Variants in SLC7A5 observed in about 807,000 individuals in gnomAD.
The protein encoded by SLC7A5 is large neutral amino acids transporter small subunit 1.
Under a neutral mutation model 50.2 loss-of-function variants are expected in SLC7A5, and 23 were observed. The observed-to-expected ratio is 0.46, with a 90% CI of 0.33 to 0.65. The LOEUF (loss-of-function observed/expected upper bound fraction) is 0.65, where lower values mean the gene tolerates loss of function less well. SLC7A5 is among the 30% of genes least tolerant of loss of function. The probability of loss-of-function intolerance (pLI) is 0.02; values close to 1 mark genes in which losing one functional copy is unlikely to be tolerated. For missense variants in SLC7A5, 578 were observed against 684.4 expected (o/e 0.84, Z 1.73); for synonymous variants, 393 against 330.6 (o/e 1.19, Z -2.05).
chr16:87,837,982 C>T (rs1230223823), intron 6 of SLC7A5, 41 bp from the exon 7 acceptor site: 1 of 1,446,594 alleles, frequency 6.9e-7, no homozygotes, highest in African/African-American at 1.4e-5. Flanking sequence ...CACCGCCCCA[C>T]AACTCAGCAC....
chr16:87,866,686 C>T (rs186143868), intron 1 of SLC7A5, among the ~76,000 whole-genome samples: 1,710 of 152,160 alleles, frequency 0.011, 38 homozygotes, highest in African/African-American at 0.039. Flanking sequence ...AGGCTGGTCT[C>T]GAACTCCTGA....
chr16:87,867,944 T>C (rs1459831067), intron 1 of SLC7A5, among the ~76,000 whole-genome samples: 1 of 150,896 alleles, frequency 6.6e-6, no homozygotes, highest in Non-Finnish European at 1.5e-5. Context: ...TGAAACGCCG[T>C]CTCTACTAAA....
chr16:87,856,351 T>G (rs762302224), intron 1 of SLC7A5, among the ~76,000 whole-genome samples: 5 of 152,230 alleles, frequency 3.3e-5, no homozygotes, highest in Non-Finnish European at 5.9e-5. Flanking sequence ...CAGAACTGCC[T>G]GCTGGAGACA....
rs145630187 is a variant in SLC7A5 at position 87,851,839 on chromosome 16, C to T, written c.549G>A (p.Thr183=). 1.9e-5 allele frequency: 30 copies of T among 1,612,908 alleles called. No homozygotes were observed. The highest frequency in any genetic ancestry group is 2.2e-5 in the East Asian group (1 of 44,896). ...CCTTCACGCTGTAGCAGTTCACGGC[C>T]GTGAGCAGCACTGTGGAGACAGAGG... The part of the protein sequence containing the change: ...LVACLCVLLL[T]AVNCYSVKAA... The change falls in exon 2 of 10, where the codon ACG becomes ACA. Residue 183 remains threonine, a synonymous_variant. Transcript: ENST00000261622.
At position 87,869,429 on chromosome 16, in the gene SLC7A5, C is replaced by T. The variant is rs752808921; in HGVS notation, c.-7G>A. On this transcript the variant is annotated 5_prime_UTR_variant, in exon 1 of 10. Transcript: ENST00000261622. ...TCGGGCCCGCACCCGCCATGCTCTGCGCACCGGCCGGGCCTGGGACACCCG... is the reference window on the plus strand; with the variant it reads ...TCGGGCCCGCACCCGCCATGCTCTGTGCACCGGCCGGGCCTGGGACACCCG... 8.9e-6 allele frequency: 13 copies of T among 1,452,540 alleles called. No homozygotes were observed. Among genetic ancestry groups the T allele is most frequent in the Non-Finnish European group, 1.1e-5 (12 of 1,113,842 alleles). The allele number at this position is 1,452,540 out of a possible 1,614,324, so 90.0% of individuals were successfully genotyped here. A position where few individuals can be genotyped will look rare whatever the true frequency, so the allele number is the denominator to read the frequency against.
intron 2 of SLC7A5, among the ~76,000 whole-genome samples, chr16:87,846,420 A>C (rs920448571): frequency 6.6e-5 from 10 of 152,246 alleles, no homozygotes; most frequent in Non-Finnish European, 1.3e-4. Context: ...ATTTCCTGCC[A>C]GGAGAGCGGG....
chr16:87,837,500 GA>G, intron 7 of SLC7A5: 1 of 321,444 alleles, frequency 3.1e-6, no homozygotes, highest in Non-Finnish European at 5.9e-6. Flanking sequence ...AGGAGAAGCG[GA>G]AGGAAACTGT....
chr16:87,866,476 T>C (rs1236308943), intron 1 of SLC7A5, among the ~76,000 whole-genome samples: 3 of 151,918 alleles, frequency 2.0e-5, no homozygotes, highest in South Asian at 4.2e-4. Flanking sequence ...GATTTTTGCT[T>C]TTTTTTTGAG....
At chr16:87,843,710 C>T (rs944014087) in intron 2 of SLC7A5, among the ~76,000 whole-genome samples, 4 of 152,140 alleles carry the variant, frequency 2.6e-5, no homozygotes, top group Non-Finnish European at 4.4e-5. Flanking sequence ...CGGGGTGCGG[C>T]GCTACTGGCA....
chr16:87,866,565 T>G (rs1297340260), intron 1 of SLC7A5, among the ~76,000 whole-genome samples: 1 of 151,952 alleles, frequency 6.6e-6, no homozygotes, highest in Non-Finnish European at 1.5e-5. Context: ...TCCTGGGTTC[T>G]AGTGATTCTC....
At chr16:87,836,861 G>T (rs2055011722) in intron 7 of SLC7A5, 2 of 498,478 alleles carry the variant, frequency 4.0e-6, no homozygotes, top group Non-Finnish European at 7.4e-6. Context: ...AGGCGGGGAG[G>T]AGGGAAGGAG....
In SLC7A5 at chr16:87,832,777, G is replaced by C; in HGVS notation, c.*193C>G. 4 of 613,954 alleles carry C rather than the reference G, an allele frequency of 6.5e-6. No individual in the cohort carries two copies. The Admixed American group carries it at 8.9e-5, about 14-fold the overall frequency. The allele number at this position is 613,954 out of a possible 1,614,324, so 38.0% of individuals were successfully genotyped here. On this transcript the variant is annotated 3_prime_UTR_variant, in exon 10 of 10. Transcript: ENST00000261622. The surrounding 1 kb of genome is among the most constrained non-coding windows in gnomAD (Gnocchi z 4.6). ...GGAGCACAGGCACACCTGGGTCCCT[G>C]GCCCTCAGTTGAGGGATGAGATTCG...
intron 1 of SLC7A5, among the ~76,000 whole-genome samples, chr16:87,863,860 G>A (rs919119678): frequency 1.4e-4 from 21 of 151,630 alleles, no homozygotes; most frequent in Non-Finnish European, 2.9e-4. Flanking sequence ...CGAGGGCTGA[G>A]GATCCAGACC....
rs1483916840 is a variant in SLC7A5, at chr16:87,860,250, T to C, written c.539-8401A>G. ...CGGGAAGCTAAGGCAGGAGAATCAC[T>C]TGAACCCAGGAGGCGGAGGTTGCAG... On this transcript the variant is annotated intron_variant, in intron 1 of 9. Transcript: ENST00000261622. This position sits in a 1 kb window ranked among gnomAD's most constrained non-coding sequence, Gnocchi z 4.8. Among the ~76,000 whole-genome samples, 1 of 150,138 alleles carries C rather than the reference T, an allele frequency of 6.7e-6. No individual in the cohort carries two copies. Among genetic ancestry groups the C allele is most frequent in the East Asian group, 2.0e-4 (1 of 5,028 alleles).
At chr16:87,837,730 T>G in intron 7 of SLC7A5, 115 bp downstream of exon 7, 37 of 808,890 alleles carry the variant, frequency 4.6e-5, no homozygotes, top group Middle Eastern at 3.5e-4. Flanking sequence ...AGGCCACATT[T>G]GAGCTGTCAC....
At chr16:87,857,150 G>A (rs1311230151) in intron 1 of SLC7A5, among the ~76,000 whole-genome samples, 1 of 152,242 alleles carries the variant, frequency 6.6e-6, no homozygotes, top group Non-Finnish European at 1.5e-5. Flanking sequence ...TGGCCAGAGA[G>A]AGAGGTCAAA....
At chr16:87,844,340 A>G (rs1424603632) in intron 2 of SLC7A5, among the ~76,000 whole-genome samples, 1 of 152,116 alleles carries the variant, frequency 6.6e-6, no homozygotes, top group African/African-American at 2.4e-5. Context: ...AGAGCGGGGT[A>G]ATTGCGGTGG....
In SLC7A5 at chr16:87,853,124, G is replaced by A. The variant is rs2055259495; in HGVS notation, c.539-1275C>T. On this transcript the variant is annotated intron_variant, in intron 1 of 9. Coordinates refer to ENST00000261622, the MANE Select transcript of SLC7A5 (RefSeq NM_003486.7). This position sits in a 1 kb window ranked among gnomAD's most constrained non-coding sequence, Gnocchi z 4.4. ...GCTCCTCTTCTCTCTTTCCCCTTGG[G>A]AGTAACGCTCAGAAAGGTCTGGCCA... Among the ~76,000 whole-genome samples the A allele has an allele frequency of 6.6e-6, 1 of 152,236 alleles. No individual in the cohort carries two copies. The highest frequency in any genetic ancestry group is 1.5e-5 in the Non-Finnish European group (1 of 68,046).
In SLC7A5 at chr16:87,833,852, T is replaced by G. The variant is rs1369911446; in HGVS notation, c.1468+562A>C. ...CAGGGCCGGGGGGCGGGTTTCTCCT[T>G]CTGCCTTTTTTTTTTTTTTTGAGAA... On this transcript the variant is annotated intron_variant, in intron 9 of 9. Coordinates refer to ENST00000261622, the MANE Select transcript of SLC7A5 (RefSeq NM_003486.7). The surrounding 1 kb of genome is among the most constrained non-coding windows in gnomAD (Gnocchi z 6.0). 1.5e-5 allele frequency among the ~76,000 whole-genome samples: 2 copies of G among 136,980 alleles called. No individual in the cohort carries two copies. Among genetic ancestry groups the G allele is most frequent in the Non-Finnish European group, 3.0e-5 (2 of 66,200 alleles). 89.9% of individuals were successfully genotyped at this position (136,980 alleles called of 152,430 possible).
Sources: gnomAD v4.1 joint callset for allele counts (sites outside exome capture counted in the v4.1 genomes callset) on GRCh38, gnomAD v4.1.1 for gene constraint, Gnocchi (gnomAD v3.1) non-coding constraint, MANE v1.5 for transcripts, NCBI Gene and HGNC (gene_info 2026-07-23, HGNC 2026-07-21) for gene names.